The following CCDC102B variants were observed in gnomAD, a reference collection of about 807,000 sequenced individuals.
CCDC102B encodes coiled-coil domain-containing protein 102B.
CCDC102B carries 75 observed loss-of-function variants against 57.4 expected under a neutral mutation model. The ratio of observed to expected loss-of-function variants is 1.31; its 90% confidence interval spans 1.08 to 1.58. The LOEUF (loss-of-function observed/expected upper bound fraction) is 1.58. Ranked by LOEUF, CCDC102B falls within the 40% of genes most tolerant of loss-of-function variation. The pLI is 0.00. For missense variants in CCDC102B, 636 were observed against 582.6 expected (o/e 1.09, Z -0.94); for synonymous variants, 206 against 201.9 (o/e 1.02, Z -0.17).
intron 4 of CCDC102B, among the ~76,000 whole-genome samples, chr18:68,869,664 TG>T (rs1351086596): frequency 1.3e-5 from 2 of 152,244 alleles, no homozygotes; most frequent in African/African-American, 4.8e-5. Flanking sequence ...TCTCTCATTC[TG>T]TAGGTTGCCT....
intron 4 of CCDC102B, among the ~76,000 whole-genome samples, chr18:68,850,577 G>C (rs1375520613): frequency 6.6e-6 from 1 of 152,100 alleles, no homozygotes; most frequent in Non-Finnish European, 1.5e-5. Context: ...CTTGGAGTCT[G>C]AAGAGTGTTA....
intron 6 of CCDC102B, among the ~76,000 whole-genome samples, chr18:68,955,215 G>A (rs935098663): frequency 2.0e-5 from 3 of 152,020 alleles, no homozygotes; most frequent in Admixed American, 6.6e-5. Context: ...GGGCTATTCC[G>A]AAGCCAAATT....
At chr18:68,767,784 A>G (rs1470927741) in intron 2 of CCDC102B, among the ~76,000 whole-genome samples, 1 of 152,112 alleles carries the variant, frequency 6.6e-6, no homozygotes, top group Non-Finnish European at 1.5e-5. Context: ...AATATATTCA[A>G]GTTTTTCTTC....
chr18:68,821,481 A>G (rs2036687282), intron 1 of CCDC102B, among the ~76,000 whole-genome samples: 1 of 151,722 alleles, frequency 6.6e-6, no homozygotes, highest in Admixed American at 6.6e-5. Flanking sequence ...ACAATATTTA[A>G]ATGCCACAGA....
At chr18:69,019,147 TGAA>T (rs1008158522) in intron 7 of CCDC102B, among the ~76,000 whole-genome samples, 5 of 152,102 alleles carry the variant, frequency 3.3e-5, no homozygotes, top group African/African-American at 1.2e-4. Flanking sequence ...TAATAAGAAG[TGAA>T]GAAGTTTGAT....
intron 6 of CCDC102B, among the ~76,000 whole-genome samples, chr18:68,993,708 T>G (rs896564700): frequency 1.3e-5 from 2 of 152,208 alleles, no homozygotes; most frequent in African/African-American, 4.8e-5. Context: ...GTAGGTTTAT[T>G]TATCAATTCT....
chr18:68,960,036 TTTCTC>T (rs2050006848), intron 6 of CCDC102B, among the ~76,000 whole-genome samples: 1 of 152,100 alleles, frequency 6.6e-6, no homozygotes, highest in African/African-American at 2.4e-5. Context: ...CCTTCACTCT[TTTCTC>T]TTCTTTCCTA....
intron 2 of CCDC102B, among the ~76,000 whole-genome samples, chr18:68,759,654 G>T (rs2034188279): frequency 6.6e-6 from 1 of 152,056 alleles, no homozygotes; most frequent in Admixed American, 6.6e-5. Flanking sequence ...AAATGTTTTA[G>T]ATCTGTAAAG....
intron 7 of CCDC102B, among the ~76,000 whole-genome samples, chr18:69,036,611 G>A (rs1168897375): frequency 6.6e-6 from 1 of 151,992 alleles, no homozygotes; most frequent in Non-Finnish European, 1.5e-5. Context: ...GCATTCATTT[G>A]TTCTTTTTTA....
intron 4 of CCDC102B, among the ~76,000 whole-genome samples, chr18:68,864,875 T>G (rs1047327999): frequency 2.6e-5 from 4 of 152,050 alleles, no homozygotes; most frequent in African/African-American, 7.2e-5. Flanking sequence ...TTCCAAATAT[T>G]CCTTGTTCTC....
chr18:68,994,516 C>T (rs942585102), intron 6 of CCDC102B, among the ~76,000 whole-genome samples: 2 of 151,956 alleles, frequency 1.3e-5, no homozygotes, highest in Admixed American at 6.6e-5. Context: ...CCCCTCCTGC[C>T]ACCCCCTCCT....
At chr18:68,987,352 A>ATAAC (rs1486168810) in intron 6 of CCDC102B, among the ~76,000 whole-genome samples, 1 of 152,190 alleles carries the variant, frequency 6.6e-6, no homozygotes, top group Non-Finnish European at 1.5e-5. Context: ...TGATGCTTGG[A>ATAAC]TAACTGGCTA....
At chr18:68,877,032 CA>C (rs1478904588) in intron 5 of CCDC102B, among the ~76,000 whole-genome samples, 2 of 152,106 alleles carry the variant, frequency 1.3e-5, no homozygotes, top group East Asian at 3.8e-4. Context: ...ATATTTCTTT[CA>C]AAAAATTTAA....
At chr18:68,908,849 T>A (rs2145062321) in intron 6 of CCDC102B, among the ~76,000 whole-genome samples, 1 of 152,224 alleles carries the variant, frequency 6.6e-6, no homozygotes, top group Admixed American at 6.5e-5. Flanking sequence ...TTATTTAAAT[T>A]TACAGATTTA....
intron 6 of CCDC102B, among the ~76,000 whole-genome samples, chr18:68,930,808 G>A (rs2041645722): frequency 6.6e-6 from 1 of 151,754 alleles, no homozygotes; most frequent in African/African-American, 2.4e-5. Flanking sequence ...GGTTACTTAA[G>A]GATATTATAG....
intron 6 of CCDC102B, among the ~76,000 whole-genome samples, chr18:68,963,119 A>T (rs753266412): frequency 1.8e-4 from 28 of 152,014 alleles, no homozygotes; most frequent in South Asian, 6.2e-4. Context: ...TAAAATTGAG[A>T]TTTATTGTGG....
chr18:69,043,895 A>G (rs1183196813), intron 7 of CCDC102B, among the ~76,000 whole-genome samples: 1 of 152,132 alleles, frequency 6.6e-6, no homozygotes, highest in African/African-American at 2.4e-5. Context: ...TTCAGATTTT[A>G]TAAGCACAGC....
intron 6 of CCDC102B, among the ~76,000 whole-genome samples, chr18:68,943,896 T>C (rs1002756996): frequency 1.3e-5 from 2 of 152,074 alleles, no homozygotes; most frequent in African/African-American, 4.8e-5. Context: ...AACAAATGGT[T>C]ACAGAGAGAT....
intron 6 of CCDC102B, among the ~76,000 whole-genome samples, chr18:68,904,466 A>G (rs940141249): frequency 2.6e-5 from 4 of 152,182 alleles, no homozygotes; most frequent in African/African-American, 9.6e-5. Flanking sequence ...TTTAAAGTGT[A>G]TAGGTGGGAT....
Sources: gnomAD v4.1 joint callset for allele counts (sites outside exome capture counted in the v4.1 genomes callset) on GRCh38, gnomAD v4.1.1 for gene constraint, MANE v1.5 for transcripts, NCBI Gene and HGNC (gene_info 2026-07-23, HGNC 2026-07-21) for gene names.